The following ASTN2 variants were observed in gnomAD, a reference collection of about 807,000 sequenced individuals.
ASTN2 encodes the protein astrotactin 2.
A neutral mutation model predicts 139.8 loss-of-function variants in ASTN2; 54 were observed. The ratio of observed to expected loss-of-function variants is 0.39; its 90% CI spans 0.31 to 0.48. ASTN2 has a LOEUF of 0.48. Ranked by LOEUF, ASTN2 falls within the 20% of genes least tolerant of loss-of-function variation. The pLI is 0.95. For synonymous variants in ASTN2, 756 were observed against 719.5 expected, an observed-to-expected ratio of 1.05 and a Z score of -0.81; for missense variants, 1,565 against 1,725.1, an observed-to-expected ratio of 0.91 and a Z score of 1.64.
At chr9:117,304,051 A>G (rs1013354338) in intron 1 of ASTN2, among the ~76,000 whole-genome samples, 1 of 152,212 alleles carries the variant, frequency 6.6e-6, no homozygotes, top group African/African-American at 2.4e-5. Context: ...AGAGAAGCCA[A>G]CCTGGGTCAT....
intron 19 of ASTN2, among the ~76,000 whole-genome samples, chr9:116,565,292 AAATACATTCAGGATAATGTATGTAT>A (rs1234015057): frequency 2.0e-5 from 3 of 149,688 alleles, no homozygotes; most frequent in Admixed American, 6.7e-5. Context: ...ACAAGTAAAC[AAATACATTCAGGATAATGTATGTAT>A]AATACATTCA....
chr9:116,843,198 C>T (rs1193390368), intron 11 of ASTN2, among the ~76,000 whole-genome samples: 1 of 152,158 alleles, frequency 6.6e-6, no homozygotes, highest in Non-Finnish European at 1.5e-5. Flanking sequence ...CTGTGCCCAT[C>T]AACTGGTGGA....
intron 16 of ASTN2, among the ~76,000 whole-genome samples, chr9:116,673,136 C>T (rs1012634519): frequency 6.6e-6 from 1 of 152,196 alleles, no homozygotes; most frequent in Non-Finnish European, 1.5e-5. Context: ...CCAATGGAAT[C>T]ATCTAGAGGG....
chr9:117,315,863 G>A (rs1051394142), intron 1 of ASTN2, among the ~76,000 whole-genome samples: 1 of 152,174 alleles, frequency 6.6e-6, no homozygotes, highest in Non-Finnish European at 1.5e-5. Context: ...AAGAACTTCA[G>A]AGAGTAAAAC....
chr9:117,136,497 C>T (rs1033112808), intron 4 of ASTN2, among the ~76,000 whole-genome samples: 1 of 152,164 alleles, frequency 6.6e-6, no homozygotes. Context: ...TTTCATATGC[C>T]TTTAAGAAGA....
chr9:116,816,128 A>G (rs1372869660), intron 12 of ASTN2, among the ~76,000 whole-genome samples: 2 of 152,086 alleles, frequency 1.3e-5, no homozygotes, highest in South Asian at 2.1e-4. Flanking sequence ...GATGATTCCT[A>G]TCTTTATATG....
intron 4 of ASTN2, among the ~76,000 whole-genome samples, chr9:117,100,651 A>T (rs780102572): frequency 9.2e-5 from 14 of 152,250 alleles, no homozygotes; most frequent in Admixed American, 2.0e-4. Context: ...TGTACAACAA[A>T]TATTACTGAG....
intron 2 of ASTN2, among the ~76,000 whole-genome samples, chr9:117,234,014 A>G (rs1457538504): frequency 6.6e-6 from 1 of 152,202 alleles, no homozygotes; most frequent in African/African-American, 2.4e-5. Context: ...ATTTAGACCA[A>G]TGACTCCCTG....
At chr9:116,979,335 G>C (rs1429718119) in intron 7 of ASTN2, among the ~76,000 whole-genome samples, 1 of 152,042 alleles carries the variant, frequency 6.6e-6, no homozygotes, top group African/African-American at 2.4e-5. Flanking sequence ...AATAAGGAGG[G>C]CTTGCTCACA....
chr9:116,937,511 C>G (rs903249990), intron 10 of ASTN2, among the ~76,000 whole-genome samples: 12 of 152,150 alleles, frequency 7.9e-5, no homozygotes, highest in African/African-American at 2.9e-4. Context: ...ATTTCTCTAC[C>G]AAGGCCAGGG....
intron 16 of ASTN2, chr9:116,686,959 A>C (rs1860257653): frequency 2.7e-6 from 4 of 1,471,478 alleles, no homozygotes; most frequent in Non-Finnish European, 3.6e-6. Context: ...CAGATTCAGT[A>C]AGGTGCCAAC....
chr9:116,713,101 T>C (rs538069068), intron 16 of ASTN2, among the ~76,000 whole-genome samples: 11 of 152,310 alleles, frequency 7.2e-5, no homozygotes, highest in African/African-American at 2.4e-4. Context: ...GTTTGAGTCC[T>C]AATATTATTA....
intron 1 of ASTN2, among the ~76,000 whole-genome samples, chr9:117,364,115 G>A (rs1421295796): frequency 6.6e-6 from 1 of 152,124 alleles, no homozygotes; most frequent in African/African-American, 2.4e-5. Context: ...ATTGAAGATG[G>A]CATGACCCAC....
At chr9:117,020,002 CTGTGTGTGTGTGTGTGTGTGTGTGTGTG>C (rs57575432) in intron 6 of ASTN2, among the ~76,000 whole-genome samples, 1 of 140,816 alleles carries the variant, frequency 7.1e-6, no homozygotes, top group African/African-American at 2.6e-5. Context: ...TTCAGGGTTT[CTGTGTGTGTGTGTGTGTGTGTGTGTGTG>C]TGTGTGTGTG....
chr9:116,917,281 T>C (rs1427565645), intron 10 of ASTN2, among the ~76,000 whole-genome samples: 1 of 152,110 alleles, frequency 6.6e-6, no homozygotes, highest in African/African-American at 2.4e-5. Context: ...CCCTGGCACA[T>C]AGCTCAGTTT....
At chr9:117,405,534 C>T (rs1316688580) in intron 1 of ASTN2, among the ~76,000 whole-genome samples, 2 of 152,188 alleles carry the variant, frequency 1.3e-5, no homozygotes, top group Non-Finnish European at 2.9e-5. Flanking sequence ...CATTACAACT[C>T]TGGAATTCCA....
At chr9:117,162,457 C>G (rs1272608187) in intron 3 of ASTN2, among the ~76,000 whole-genome samples, 1 of 151,908 alleles carries the variant, frequency 6.6e-6, no homozygotes, top group Non-Finnish European at 1.5e-5. Context: ...GCTTATATGC[C>G]CAGAGCATTC....
At chr9:116,545,155 G>A (rs1288126950) in intron 19 of ASTN2, among the ~76,000 whole-genome samples, 4 of 152,220 alleles carry the variant, frequency 2.6e-5, no homozygotes, top group Non-Finnish European at 5.9e-5. Flanking sequence ...CAGAGCCAGG[G>A]ATGCCAGACT....
chr9:116,806,146 A>G (rs560719095), intron 12 of ASTN2, among the ~76,000 whole-genome samples: 1 of 152,246 alleles, frequency 6.6e-6, no homozygotes, highest in African/African-American at 2.4e-5. Flanking sequence ...ATTCACAGGG[A>G]ATCATCAACT....
Sources: gnomAD v4.1 joint callset for allele counts (sites outside exome capture counted in the v4.1 genomes callset) on GRCh38, gnomAD v4.1.1 for gene constraint, MANE v1.5 for transcripts, NCBI Gene and HGNC (gene_info 2026-07-23, HGNC 2026-07-21) for gene names.